The following VPS54 variants were observed in gnomAD, a reference collection of about 807,000 sequenced individuals.
VPS54 encodes the protein VPS54 subunit of GARP complex.
A neutral mutation model predicts 121.5 loss-of-function variants in VPS54; 45 were observed. The observed-to-expected ratio is 0.37, with a 90% CI of 0.29 to 0.47. VPS54 has a LOEUF of 0.47. VPS54 is among the 20% of genes least tolerant of loss of function. The pLI is 0.99. For synonymous variants in VPS54, 371 were observed against 385.8 expected, an observed-to-expected ratio of 0.96 and a Z score of 0.45; for missense variants, 1,090 against 1,131.4, an observed-to-expected ratio of 0.96 and a Z score of 0.52.
At chr2:64,004,660 C>G (rs1463320398) in intron 1 of VPS54, among the ~76,000 whole-genome samples, 1 of 152,220 alleles carries the variant, frequency 6.6e-6, no homozygotes, top group Non-Finnish European at 1.5e-5. Flanking sequence ...CTTTTACAGT[C>G]TGGCGAAGTT....
chr2:63,962,843 T>C (rs564572217), intron 6 of VPS54, among the ~76,000 whole-genome samples: 35 of 152,286 alleles, frequency 2.3e-4, no homozygotes, highest in South Asian at 1.4e-3. Flanking sequence ...ACTAAATAGA[T>C]GATTACACCT....
In VPS54 at chr2:63,912,675, G is replaced by A. The variant is rs1425126166; in HGVS notation, c.2423-14C>T. ...GTGAAGAAAGAGCTGAAGATCCAGG[G>A]AGTAGATATATAATGGAGAAATAAA... On this transcript the variant is annotated splice_polypyrimidine_tract_variant and intron_variant, in intron 18 of 22. Transcript: ENST00000272322. 1 of 1,561,526 alleles carries A rather than the reference G, an allele frequency of 6.4e-7. No homozygotes were observed. The highest frequency in any genetic ancestry group is 1.4e-5 in the African/African-American group (1 of 70,928).
At chr2:63,920,027 C>G (rs774045187) in intron 14 of VPS54, 32 bp from the exon 15 acceptor site, 5 of 1,551,424 alleles carry the variant, frequency 3.2e-6, no homozygotes, top group Non-Finnish European at 4.4e-6. Context: ...AGAAGGTAAA[C>G]TTTAACATTT....
At chr2:63,893,922 C>A (rs1156301854) in intron 22 of VPS54, among the ~76,000 whole-genome samples, 3 of 152,150 alleles carry the variant, frequency 2.0e-5, no homozygotes, top group African/African-American at 7.2e-5. Context: ...AAGGGAAAAG[C>A]AGGCTAGGTT....
chr2:64,004,124 A>C (rs924252674), intron 1 of VPS54, among the ~76,000 whole-genome samples: 2 of 152,190 alleles, frequency 1.3e-5, no homozygotes, highest in African/African-American at 4.8e-5. Flanking sequence ...TTTTAAAAGT[A>C]ATAGAGTATA....
At chr2:63,972,030 T>G in intron 4 of VPS54, 136 bp downstream of exon 4, 1 of 449,466 alleles carries the variant, frequency 2.2e-6, no homozygotes, top group Non-Finnish European at 3.9e-6. Flanking sequence ...TTAGAAAATA[T>G]TATAATCATA....
At chr2:64,004,873 G>A (rs192074365) in intron 1 of VPS54, among the ~76,000 whole-genome samples, 4 of 151,992 alleles carry the variant, frequency 2.6e-5, no homozygotes, top group African/African-American at 9.7e-5. Context: ...CAACCTCCTG[G>A]GTGCAAGCGA....
At chr2:63,913,865 C>T in intron 17 of VPS54, 1 of 1,100,316 alleles carries the variant, frequency 9.1e-7, no homozygotes, top group Non-Finnish European at 1.1e-6. Context: ...GAATTCCTTC[C>T]ATGCACATTT....
chr2:63,934,336 G>C (rs1674354593), intron 11 of VPS54, among the ~76,000 whole-genome samples: 1 of 152,118 alleles, frequency 6.6e-6, no homozygotes, highest in Non-Finnish European at 1.5e-5. Context: ...GCCCATCAGA[G>C]AATCATATAC....
At chr2:63,914,536 A>C (rs536489381) in intron 16 of VPS54, among the ~76,000 whole-genome samples, 1 of 152,180 alleles carries the variant, frequency 6.6e-6, no homozygotes, top group Non-Finnish European at 1.5e-5. Context: ...ATCAGCTTGC[A>C]CAACACTGAG....
At chr2:64,018,758 A>C (rs987447446) in intron 1 of VPS54, among the ~76,000 whole-genome samples, 180 bp downstream of exon 1, 2 of 151,334 alleles carry the variant, frequency 1.3e-5, no homozygotes, top group African/African-American at 4.8e-5. Context: ...AAAAAAAAAA[A>C]AAAAAAAGGA....
At chr2:63,898,745 A>T (rs2104399240) in intron 21 of VPS54, among the ~76,000 whole-genome samples, 1 of 152,282 alleles carries the variant, frequency 6.6e-6, no homozygotes, top group African/African-American at 2.4e-5. Context: ...TTATTCTACA[A>T]ACCAGGCACA....
chr2:63,950,692 T>C (rs1405569892), intron 7 of VPS54, among the ~76,000 whole-genome samples: 2 of 152,226 alleles, frequency 1.3e-5, no homozygotes, highest in East Asian at 3.8e-4. Flanking sequence ...CTGACTTCAT[T>C]TGCACAAAAC....
rs200464772 is a variant in VPS54 at position 63,916,908 on chromosome 2, T to A, written c.2220A>T (p.Ala740=). 2 of 1,613,404 alleles carry A rather than the reference T, an allele frequency of 1.2e-6. No homozygotes were observed. The highest frequency in any genetic ancestry group is 2.7e-5 in the African/African-American group (2 of 74,912). Residue 740 remains alanine (A), a synonymous_variant, in exon 16 of 23, where the codon GCA becomes GCT. Transcript: ENST00000272322. ...AAAAATGTGTCACTCACCCAACAACTGCATACTGTTGTCCCTCGACAATAA... is the reference window on the plus strand; with the variant it reads ...AAAAATGTGTCACTCACCCAACAACAGCATACTGTTGTCCCTCGACAATAA... ...EVLIVEGQQY[A]VVGTVLLLIR...
chr2:63,900,488 C>T (rs1384776550), intron 20 of VPS54, among the ~76,000 whole-genome samples: 1 of 152,058 alleles, frequency 6.6e-6, no homozygotes, highest in African/African-American at 2.4e-5. Context: ...TTAGAATTCA[C>T]ACAGCTGAAG....
intron 1 of VPS54, among the ~76,000 whole-genome samples, chr2:64,007,849 C>G (rs1467928661): frequency 2.0e-5 from 3 of 152,106 alleles, no homozygotes; most frequent in Non-Finnish European, 2.9e-5. Flanking sequence ...TAAGTAGCAT[C>G]AACATGCTGC....
intron 7 of VPS54, among the ~76,000 whole-genome samples, chr2:63,960,190 A>G (rs1486953659): frequency 6.6e-6 from 1 of 152,090 alleles, no homozygotes; most frequent in Non-Finnish European, 1.5e-5. Context: ...GTGAGCTAAG[A>G]GCGCACCACT....
Position 63,893,333 on chromosome 2 carries a change from G to T in VPS54, c.*97C>A. 9.4e-7 allele frequency: 1 copy of T among 1,059,244 alleles called. No homozygotes were observed. The highest frequency in any genetic ancestry group is 1.3e-5 in the South Asian group (1 of 79,934). 65.6% of individuals were successfully genotyped at this position (1,059,244 alleles called of 1,614,324 possible). ...CCTTCCCCCACCCCAGTTCACTTTGGGTTTCAGGTTCAATTCTCGAATCAC... is the reference window on the plus strand; with the variant it reads ...CCTTCCCCCACCCCAGTTCACTTTGTGTTTCAGGTTCAATTCTCGAATCAC... On this transcript the variant is annotated 3_prime_UTR_variant, in exon 23 of 23. Transcript: ENST00000272322.
At position 64,013,256 on chromosome 2, in the gene VPS54, C is replaced by A. The variant is rs142893895; in HGVS notation, c.-21+5682G>T. ...CACATCATCTGTGTGATGGTCTCAC[C>A]AGAAATGTCTGACTAGAATCTAATC... On this transcript the variant is annotated intron_variant, in intron 1 of 22. Transcript: ENST00000272322. Among the ~76,000 whole-genome samples, 281 of 152,210 alleles carry A rather than the reference C, an allele frequency of 1.8e-3. 1 individual carries two copies. Among genetic ancestry groups the A allele is most frequent in the Non-Finnish European group, 1.2e-3 (82 of 68,020 alleles).
Sources: gnomAD v4.1 joint callset for allele counts (sites outside exome capture counted in the v4.1 genomes callset) on GRCh38, gnomAD v4.1.1 for gene constraint, MANE v1.5 for transcripts, NCBI Gene and HGNC (gene_info 2026-07-23, HGNC 2026-07-21) for gene names.